The following LRMDA variants were observed in gnomAD, a reference collection of about 807,000 sequenced individuals.
The protein encoded by LRMDA is leucine-rich melanocyte differentiation-associated protein.
Under a neutral mutation model 29.8 loss-of-function variants are expected in LRMDA, and 18 were observed. The observed-to-expected ratio is 0.60, with a 90% CI of 0.42 to 0.90. The LOEUF (loss-of-function observed/expected upper bound fraction) is 0.90. LRMDA is among the 40% of genes least tolerant of loss of function. The pLI, the probability that LRMDA is intolerant of heterozygous loss-of-function variation, is 0.00. For synonymous variants in LRMDA, 125 were observed against 109.4 expected (o/e 1.14, Z -0.89); for missense variants, 273 against 273.9 (o/e 1.00, Z 0.02).
intron 5 of LRMDA, among the ~76,000 whole-genome samples, chr10:76,160,329 T>C (rs1028071221): frequency 2.6e-5 from 4 of 151,932 alleles, no homozygotes; most frequent in African/African-American, 9.7e-5. Context: ...AAGTAAAAAG[T>C]TCTTAATGTA....
intron 2 of LRMDA, among the ~76,000 whole-genome samples, chr10:75,985,057 T>C (rs1346122218): frequency 6.6e-6 from 1 of 152,214 alleles, no homozygotes; most frequent in African/African-American, 2.4e-5. Context: ...AGAGCCTAGA[T>C]AGTGGTCTTT....
intron 5 of LRMDA, among the ~76,000 whole-genome samples, chr10:76,316,757 A>G (rs1840705160): frequency 6.6e-6 from 1 of 152,230 alleles, no homozygotes; most frequent in Admixed American, 6.5e-5. Flanking sequence ...CTATGTTTGA[A>G]TATATGACAC....
chr10:75,689,590 C>T (rs1376993010), intron 2 of LRMDA, among the ~76,000 whole-genome samples: 2 of 152,136 alleles, frequency 1.3e-5, no homozygotes, highest in Non-Finnish European at 2.9e-5. Context: ...TCCAAGGCAC[C>T]TGGTGCTCAG....
rs559367167 is a variant in LRMDA, at chr10:76,036,711, C to T, written c.258+577C>T. ...GGTGATGAGAGGCCTAGGGGACCCA[C>T]GACAGTGTATGGCCTCCTCTATGGA... On this transcript the variant is annotated intron_variant, in intron 3 of 6. Coordinates refer to ENST00000611255, the MANE Select transcript of LRMDA (RefSeq NM_001305581.2). Among the ~76,000 whole-genome samples the T allele has an allele frequency of 4.1e-4, 62 of 152,230 alleles. No homozygotes were observed. In the South Asian group the frequency reaches 6.8e-3, roughly 17 times the overall value.
intron 5 of LRMDA, among the ~76,000 whole-genome samples, chr10:76,064,929 T>C (rs1220689572): frequency 6.6e-6 from 1 of 152,226 alleles, no homozygotes. Context: ...TTTATGATTT[T>C]TTTTTCTGTT....
chr10:75,992,068 G>C (rs986544513), intron 2 of LRMDA, among the ~76,000 whole-genome samples: 6 of 152,150 alleles, frequency 3.9e-5, no homozygotes. Flanking sequence ...CCATGCCTTT[G>C]ATGCTTGTTT....
chr10:76,258,626 C>T (rs534305966), intron 5 of LRMDA, among the ~76,000 whole-genome samples: 5 of 152,016 alleles, frequency 3.3e-5, no homozygotes, highest in Non-Finnish European at 7.4e-5. Context: ...TTTACCCTTC[C>T]CAGCCTCTTG....
intron 6 of LRMDA, among the ~76,000 whole-genome samples, chr10:76,501,368 A>G (rs2132342565): frequency 6.6e-6 from 1 of 151,860 alleles, no homozygotes; most frequent in South Asian, 2.1e-4. Flanking sequence ...AGAACAATTT[A>G]TTTTCTTCTG....
intron 5 of LRMDA, among the ~76,000 whole-genome samples, chr10:76,292,746 CT>C (rs1840357774): frequency 6.6e-6 from 1 of 151,724 alleles, no homozygotes; most frequent in Non-Finnish European, 1.5e-5. Flanking sequence ...TTACACAGGC[CT>C]GCTTTGACTG....
intron 5 of LRMDA, among the ~76,000 whole-genome samples, chr10:76,114,125 G>A (rs1849625747): frequency 1.3e-5 from 2 of 152,138 alleles, no homozygotes; most frequent in Non-Finnish European, 2.9e-5. Flanking sequence ...TGCCTCATTA[G>A]CCAAGGGTGT....
intron 2 of LRMDA, among the ~76,000 whole-genome samples, chr10:75,599,934 C>T (rs897913469): frequency 1.3e-5 from 2 of 152,158 alleles, no homozygotes; most frequent in Admixed American, 6.5e-5. Flanking sequence ...CAAGCCCTTC[C>T]TGGTGTAAAA....
At chr10:75,846,496 A>G (rs1423999071) in intron 2 of LRMDA, among the ~76,000 whole-genome samples, 1 of 152,200 alleles carries the variant, frequency 6.6e-6, no homozygotes, top group East Asian at 1.9e-4. Flanking sequence ...AATGTCACTG[A>G]AAGGAACTGC....
chr10:75,435,845 G>T (rs1361316433), intron 1 of LRMDA, among the ~76,000 whole-genome samples: 2 of 152,118 alleles, frequency 1.3e-5, no homozygotes, highest in Non-Finnish European at 2.9e-5. Context: ...CGTGGGAGAA[G>T]TTCTTGCCCT....
intron 2 of LRMDA, among the ~76,000 whole-genome samples, chr10:75,569,388 T>G (rs1202315785): frequency 6.6e-6 from 1 of 152,200 alleles, no homozygotes; most frequent in Non-Finnish European, 1.5e-5. Flanking sequence ...GTTCAGTCCT[T>G]CAAGAGTTAA....
intron 6 of LRMDA, among the ~76,000 whole-genome samples, chr10:76,542,915 T>C (rs1038459517): frequency 6.6e-6 from 1 of 152,186 alleles, no homozygotes; most frequent in Non-Finnish European, 1.5e-5. Flanking sequence ...GCCTCACTTG[T>C]ACCAACCACA....
intron 2 of LRMDA, among the ~76,000 whole-genome samples, chr10:75,668,623 G>C (rs1195497939): frequency 6.6e-6 from 1 of 152,096 alleles, no homozygotes; most frequent in African/African-American, 2.4e-5. Context: ...CATAGAGTTG[G>C]GGCTTAATAA....
chr10:76,249,103 G>A (rs924584950), intron 5 of LRMDA, among the ~76,000 whole-genome samples: 1 of 152,168 alleles, frequency 6.6e-6, no homozygotes. Context: ...GCAATGGAGT[G>A]AGAAAGAATT....
At chr10:75,832,124 G>A (rs1334300831) in intron 2 of LRMDA, among the ~76,000 whole-genome samples, 1 of 152,120 alleles carries the variant, frequency 6.6e-6, no homozygotes, top group Non-Finnish European at 1.5e-5. Context: ...TCAGAAAATT[G>A]GATTTTCTTT....
At chr10:76,363,276 A>AAGGAAGGAAGGGAAGG (rs1218743181) in intron 6 of LRMDA, among the ~76,000 whole-genome samples, 1 of 58,804 alleles carries the variant, frequency 1.7e-5, no homozygotes. Flanking sequence ...GGAAGGAAGG[A>AAGGAAGGAAGGGAAGG]AAGGAAGGAA....
Sources: allele counts gnomAD v4.1 joint callset (sites outside exome capture counted in the v4.1 genomes callset), GRCh38; gene constraint gnomAD v4.1.1; transcripts MANE v1.5; gene names NCBI Gene and HGNC (gene_info 2026-07-23, HGNC 2026-07-21).